FRMD7: variants seen among roughly 807,000 people sequenced by gnomAD.
FRMD7 encodes the protein FERM domain containing 7.
Under a neutral mutation model 44.1 loss-of-function variants are expected in FRMD7, and 14 were observed. The observed-to-expected ratio is 0.32, with a 90% confidence interval of 0.21 to 0.50. The LOEUF (loss-of-function observed/expected upper bound fraction) is 0.50. FRMD7 is among the 20% of genes least tolerant of loss of function. The pLI is 0.99. For missense variants in FRMD7, 501 were observed against 522.3 expected, an observed-to-expected ratio of 0.96 and a Z score of 0.40; for synonymous variants, 212 against 187.4, an observed-to-expected ratio of 1.13 and a Z score of -1.07.
Position 132,085,582 on chromosome X carries a change from C to T in FRMD7, c.644G>A (p.Arg215Gln), listed in dbSNP as rs756275505. ...GGCTTGAAAGGAAAGAGATTTTACC[C>T]GTAACACCAGTACTCCCATGTGAGC... ...AVAHMGVLVL[R>Q]GNTKINTFNW... The change falls in exon 7 of 12, where the codon CGG becomes CAG. Residue 215 changes from arginine to glutamine, a missense_variant and splice_region_variant. Arg to Gln is a conservative substitution (Grantham distance 43, BLOSUM62 1). Coordinates refer to ENST00000298542, the MANE Select transcript of FRMD7 (RefSeq NM_194277.3). 70 of 1,208,480 alleles carry T rather than the reference C, an allele frequency of 5.8e-5. No individual in the cohort carries two copies. The South Asian group carries it at 9.9e-4, about 17-fold the overall frequency.
intron 3 of FRMD7, among the ~76,000 whole-genome samples, chrX:132,098,996 T>C (rs767044992): frequency 2.7e-5 from 3 of 112,054 alleles, no homozygotes; most frequent in Non-Finnish European, 5.6e-5. Flanking sequence ...GCGATCCTAA[T>C]GCACACTGAA....
At chrX:132,113,684 G>A (rs777929429) in intron 1 of FRMD7, among the ~76,000 whole-genome samples, 7 of 110,885 alleles carry the variant, frequency 6.3e-5, no homozygotes, top group African/African-American at 2.3e-4. Flanking sequence ...TATTTATGGG[G>A]TACAGGAGAT....
chrX:132,081,323 C>A (rs1466195670), intron 9 of FRMD7, among the ~76,000 whole-genome samples: 1 of 110,000 alleles, frequency 9.1e-6, no homozygotes, highest in East Asian at 2.8e-4. Context: ...CAGAGCAAGA[C>A]TCCATCTCAA....
At chrX:132,109,373 G>A (rs1157215306) in intron 1 of FRMD7, among the ~76,000 whole-genome samples, 1 of 111,245 alleles carries the variant, frequency 9.0e-6, no homozygotes. Context: ...TGTATTTTTC[G>A]AGCTCTTTTG....
intron 5 of FRMD7, among the ~76,000 whole-genome samples, chrX:132,093,318 G>T (rs1319452640): frequency 8.9e-6 from 1 of 112,496 alleles, no homozygotes; most frequent in Non-Finnish European, 1.9e-5. Context: ...GTAAGAAACA[G>T]CCTATTCTTT....
intron 5 of FRMD7, among the ~76,000 whole-genome samples, chrX:132,089,540 C>A (rs1940381210): frequency 8.9e-6 from 1 of 111,757 alleles, no homozygotes; most frequent in Non-Finnish European, 1.9e-5. Context: ...CAAAAGATAT[C>A]CTTACAAAAT....
intron 3 of FRMD7, among the ~76,000 whole-genome samples, chrX:132,098,652 G>A (rs1264166379): frequency 9.5e-6 from 1 of 105,337 alleles, no homozygotes; most frequent in African/African-American, 3.5e-5. Flanking sequence ...AGTCCTGATA[G>A]AAATCCGCCT....
chrX:132,094,679 C>T (rs1182708999), intron 4 of FRMD7, among the ~76,000 whole-genome samples: 3 of 111,619 alleles, frequency 2.7e-5, no homozygotes, highest in Non-Finnish European at 5.6e-5. Context: ...TTAGGTCTGC[C>T]CCTGAATTCA....
At chrX:132,114,042 T>C (rs754606049) in intron 1 of FRMD7, among the ~76,000 whole-genome samples, 1 of 109,113 alleles carries the variant, frequency 9.2e-6, no homozygotes, top group East Asian at 2.9e-4. Flanking sequence ...CTTCTGCTTA[T>C]GACTTCAATG....
intron 9 of FRMD7, among the ~76,000 whole-genome samples, chrX:132,081,265 G>A (rs1452692532): frequency 9.0e-6 from 1 of 110,949 alleles, no homozygotes; most frequent in African/African-American, 3.3e-5. Context: ...ATGGGAGGCG[G>A]AGATTGCAGT....
intron 3 of FRMD7, among the ~76,000 whole-genome samples, chrX:132,098,159 C>T (rs1308387381): frequency 8.9e-6 from 1 of 112,139 alleles, no homozygotes; most frequent in African/African-American, 3.2e-5. Flanking sequence ...ACAGGATTCC[C>T]AGTTCAATTT....
intron 1 of FRMD7, among the ~76,000 whole-genome samples, chrX:132,102,284 T>C (rs188639991): frequency 8.9e-6 from 1 of 111,998 alleles, no homozygotes; most frequent in African/African-American, 3.2e-5. Context: ...TTCATTTGGG[T>C]TAACCCCAGT....
chrX:132,102,184 C>A (rs778117659), intron 1 of FRMD7, among the ~76,000 whole-genome samples: 2 of 110,683 alleles, frequency 1.8e-5, no homozygotes, highest in Admixed American at 9.6e-5. Context: ...GCCTACCTCA[C>A]CCGCTTCCCC....
At position 132,084,041 on chromosome X, in the gene FRMD7, C is replaced by G. The variant is rs775752558; in HGVS notation, c.741+449G>C. On this transcript the variant is annotated intron_variant, in intron 8 of 11. Coordinates refer to ENST00000298542, the MANE Select transcript of FRMD7 (RefSeq NM_194277.3). ...CCTTGCCCAAAAACTGTTTATTTTG[C>G]TTACGTGTATACCTGACTCCCACAT... Among the ~76,000 whole-genome samples the G allele has an allele frequency of 1.4e-4, 16 of 112,039 alleles. No homozygotes were observed. In the East Asian group the frequency reaches 4.5e-3, roughly 31 times the overall value.
At chrX:132,086,101 T>A in intron 5 of FRMD7, 67 bp from the exon 6 acceptor site, 3 of 663,334 alleles carry the variant, frequency 4.5e-6, no homozygotes, top group Non-Finnish European at 7.6e-6. Flanking sequence ...GCATCCAGCA[T>A]ACCCTTGTCC....
intron 9 of FRMD7, among the ~76,000 whole-genome samples, chrX:132,080,594 A>C (rs960639742): frequency 9.0e-6 from 1 of 111,355 alleles, no homozygotes; most frequent in Non-Finnish European, 1.9e-5. Context: ...CAGGAGGATG[A>C]CTCGAGCCCA....
intron 3 of FRMD7, 115 bp from the exon 4 acceptor site, chrX:132,097,459 C>T: frequency 1.8e-6 from 1 of 552,361 alleles, no homozygotes; most frequent in Non-Finnish European, 3.3e-6. Flanking sequence ...TCTTCCGTCC[C>T]CTCCCCATCA....
chrX:132,121,502 T>G, intron 1 of FRMD7, among the ~76,000 whole-genome samples: 1 of 111,005 alleles, frequency 9.0e-6, no homozygotes, highest in East Asian at 2.8e-4. Context: ...TAGCACTTTC[T>G]AGTACTAGTC....
chrX:132,122,559 G>T (rs1412458084), intron 1 of FRMD7, among the ~76,000 whole-genome samples: 1 of 111,857 alleles, frequency 8.9e-6, no homozygotes, highest in African/African-American at 3.3e-5. Flanking sequence ...CAAAAGTGTG[G>T]CATCAAATGG....
Sources: allele counts gnomAD v4.1 joint callset (sites outside exome capture counted in the v4.1 genomes callset), GRCh38; gene constraint gnomAD v4.1.1; transcripts MANE v1.5; gene names NCBI Gene and HGNC (gene_info 2026-07-23, HGNC 2026-07-21).